The following AFF1 variants were observed in gnomAD, a reference collection of about 807,000 sequenced individuals.
AFF1 encodes the protein ALF transcription elongation factor 1.
A neutral mutation model predicts 121.7 loss-of-function variants in AFF1; 48 were observed. The ratio of observed to expected loss-of-function variants is 0.39; its 90% CI spans 0.31 to 0.50. The LOEUF is 0.50. Among genes scored for constraint, AFF1 ranks in the 20% least tolerant of loss-of-function variants. The pLI is 0.76. For synonymous variants in AFF1, 613 were observed against 563.0 expected (o/e 1.09, Z -1.26); for missense variants, 1,523 against 1,511.7 (o/e 1.01, Z -0.12).
At chr4:87,023,756 C>T (rs1297136706) in intron 2 of AFF1, among the ~76,000 whole-genome samples, 1 of 152,216 alleles carries the variant, frequency 6.6e-6, no homozygotes, top group Non-Finnish European at 1.5e-5. Flanking sequence ...ATAATAATGG[C>T]AAACGGTGCA....
chr4:86,944,186 G>GCCC (rs1354515980), intron 1 of AFF1, among the ~76,000 whole-genome samples: 1 of 147,084 alleles, frequency 6.8e-6, no homozygotes, highest in Admixed American at 6.8e-5. Context: ...GTGTGGAATT[G>GCCC]CCCCAGCACA....
At chr4:87,079,960 G>A (rs1390473910) in intron 4 of AFF1, among the ~76,000 whole-genome samples, 1 of 152,134 alleles carries the variant, frequency 6.6e-6, no homozygotes, top group Non-Finnish European at 1.5e-5. Flanking sequence ...ACAATTGATG[G>A]TACCAAATTG....
intron 2 of AFF1, among the ~76,000 whole-genome samples, chr4:86,986,740 A>T (rs1029218768): frequency 1.3e-5 from 2 of 152,206 alleles, no homozygotes; most frequent in Non-Finnish European, 2.9e-5. Flanking sequence ...GAATAATTAG[A>T]TATTTGATGC....
chr4:87,047,008 G>A lies in AFF1; in HGVS notation c.473G>A (p.Cys158Tyr). ...ATGCCAAGTCTCCATGCCAAAAGCTGCGGCCCACCGGACAGCCAGCACCTG... is the reference window on the plus strand; with the variant it reads ...ATGCCAAGTCTCCATGCCAAAAGCTACGGCCCACCGGACAGCCAGCACCTG... ...EPMPSLHAKS[C>Y]GPPDSQHLTQ... Residue 158 changes from cysteine to tyrosine, a missense_variant, in exon 4 of 21, where the codon TGC becomes TAC. By Grantham distance (194) the Cys-to-Tyr change is radical. Around this residue, in one of 5 missense-constraint regions of AFF1, gnomAD observed 369 missense variants for 367.2 expected, o/e 1.00. Transcript: ENST00000395146. 6.2e-7 allele frequency: 1 copy of A among 1,614,218 alleles called. No individual in the cohort carries two copies. The highest frequency in any genetic ancestry group is 8.5e-7 in the Non-Finnish European group (1 of 1,180,050).
intron 2 of AFF1, among the ~76,000 whole-genome samples, chr4:87,019,811 G>T (rs977325323): frequency 1.3e-5 from 2 of 149,296 alleles, no homozygotes; most frequent in African/African-American, 2.5e-5. Flanking sequence ...AATTGAAACC[G>T]TGGGATCCCA....
At chr4:87,040,297 A>G (rs1730005470) in intron 2 of AFF1, among the ~76,000 whole-genome samples, 1 of 151,876 alleles carries the variant, frequency 6.6e-6, no homozygotes, top group East Asian at 1.9e-4. Flanking sequence ...TGTGTGGATC[A>G]GTTTAACCAA....
At chr4:87,063,256 T>TTTTTTTTTTTTTTTTGA (rs869168821) in intron 4 of AFF1, among the ~76,000 whole-genome samples, 1 of 134,552 alleles carries the variant, frequency 7.4e-6, no homozygotes, top group African/African-American at 2.9e-5. Context: ...TTTTTTTTTT[T>TTTTTTTTTTTTTTTTGA]GAGACAGAGT....
intron 4 of AFF1, among the ~76,000 whole-genome samples, chr4:87,054,964 G>A (rs1194466656): frequency 6.6e-6 from 1 of 152,092 alleles, no homozygotes; most frequent in Non-Finnish European, 1.5e-5. Flanking sequence ...ATCATTATTG[G>A]CTGAGTAGAG....
rs1451420200 is a variant in AFF1 at position 87,084,180 on chromosome 4, A to G, written c.1104+16A>G. 6.2e-7 allele frequency: 1 copy of G among 1,611,916 alleles called. No homozygotes were observed. Among genetic ancestry groups the G allele is most frequent in the African/African-American group, 1.3e-5 (1 of 74,946 alleles). On this transcript the variant is annotated intron_variant, in intron 5 of 20. Transcript: ENST00000395146. ...GATTCTGAAGGTGAGTTCACTGTTA[A>G]TCTTTCTCATTTGAAGAAATATTTA...
intron 12 of AFF1, among the ~76,000 whole-genome samples, chr4:87,117,056 T>C (rs1400814431): frequency 6.6e-6 from 1 of 152,096 alleles, no homozygotes; most frequent in Non-Finnish European, 1.5e-5. Context: ...TGGGGACAGG[T>C]ACTCACTTCT....
chr4:87,005,932 T>C (rs1272411972), intron 2 of AFF1, among the ~76,000 whole-genome samples: 5 of 152,066 alleles, frequency 3.3e-5, no homozygotes, highest in Admixed American at 2.0e-4. Context: ...TCAGTGCAAA[T>C]GTCAGCACAG....
chr4:87,000,605 CTGTGTGTGTGTGTGTGTGTGTG>C (rs57615388), intron 2 of AFF1, among the ~76,000 whole-genome samples: 3 of 146,372 alleles, frequency 2.0e-5, no homozygotes, highest in Admixed American at 6.8e-5. Flanking sequence ...AAAATAAACT[CTGTGTGTGTGTGTGTGTGTGTG>C]TGTGTGTGTG....
intron 2 of AFF1, among the ~76,000 whole-genome samples, chr4:86,988,452 T>G (rs1009552925): frequency 2.0e-5 from 3 of 152,024 alleles, no homozygotes; most frequent in Admixed American, 1.3e-4. Flanking sequence ...TTCTTAAGAC[T>G]GTGAAACTGT....
chr4:87,091,390 C>T (rs978557424), intron 6 of AFF1, among the ~76,000 whole-genome samples: 15 of 152,058 alleles, frequency 9.9e-5, no homozygotes, highest in African/African-American at 2.7e-4. Context: ...GGTAACAAAG[C>T]GAGACTCCGT....
Position 87,064,790 on chromosome 4 carries a change from T to A in AFF1, c.1059+17196T>A, listed in dbSNP as rs779109506. The stretch of plus-strand genomic sequence containing the variant: ...AGGAGGCTGAGGAAGGAGAATTGCT[T>A]GAACCCAGGAAGCGGAGGTTGCAGT... On this transcript the variant is annotated intron_variant, in intron 4 of 20. Coordinates refer to ENST00000395146, the MANE Select transcript of AFF1 (RefSeq NM_001166693.3). 2.0e-5 allele frequency among the ~76,000 whole-genome samples: 3 copies of A among 150,998 alleles called. 1 individual carries two copies. Among genetic ancestry groups the A allele is most frequent in the Non-Finnish European group, 4.4e-5 (3 of 67,884 alleles).
intron 4 of AFF1, among the ~76,000 whole-genome samples, chr4:87,070,492 T>A (rs553473427): frequency 1.3e-5 from 2 of 152,278 alleles, no homozygotes; most frequent in Admixed American, 1.3e-4. Flanking sequence ...AGCAAATGTT[T>A]ATGGCTTTTA....
At chr4:87,129,028 C>T (rs1374986628) in intron 16 of AFF1, among the ~76,000 whole-genome samples, 1 of 152,200 alleles carries the variant, frequency 6.6e-6, no homozygotes, top group African/African-American at 2.4e-5. Context: ...TATTCATACT[C>T]TAGGGAACTT....
chr4:87,045,617 G>C (rs938107206), intron 2 of AFF1, among the ~76,000 whole-genome samples: 1 of 151,976 alleles, frequency 6.6e-6, no homozygotes, highest in Non-Finnish European at 1.5e-5. Context: ...ATTTTTTGTG[G>C]GGTTTACATG....
At chr4:87,111,826 G>A (rs1578272837) in intron 11 of AFF1, among the ~76,000 whole-genome samples, 1 of 152,118 alleles carries the variant, frequency 6.6e-6, no homozygotes, top group South Asian at 2.1e-4. Flanking sequence ...TGGGACATAG[G>A]CCTTCCTTTG....
Sources: gnomAD v4.1 joint callset for allele counts (sites outside exome capture counted in the v4.1 genomes callset) on GRCh38, gnomAD v4.1.1 for gene constraint, gnomAD v4.1.1 regional missense constraint, MANE v1.5 for transcripts, NCBI Gene and HGNC (gene_info 2026-07-23, HGNC 2026-07-21) for gene names.